FGFRL1: variants seen among roughly 807,000 people sequenced by gnomAD.
FGFRL1 encodes fibroblast growth factor receptor-like 1.
Under a neutral mutation model 36.8 loss-of-function variants are expected in FGFRL1, and 24 were observed. The ratio of observed to expected loss-of-function variants is 0.65; its 90% CI spans 0.47 to 0.92. The LOEUF is 0.92. Ranked by LOEUF, FGFRL1 falls within the 40% of genes least tolerant of loss-of-function variation. The pLI, the probability that FGFRL1 is intolerant of heterozygous loss-of-function variation, is 0.00. For missense variants in FGFRL1, 785 were observed against 753.4 expected (o/e 1.04, Z -0.49); for synonymous variants, 422 against 344.1 (o/e 1.23, Z -2.50).
rs1279636228 is a variant in FGFRL1 at position 1,023,230 on chromosome 4, T to TCCCCCA, written c.353-400_353-395dup. Among the ~76,000 whole-genome samples, 4 of 151,810 alleles carry TCCCCCA rather than the reference T, an allele frequency of 2.6e-5. No individual in the cohort carries two copies. The highest frequency in any genetic ancestry group is 5.9e-5 in the Non-Finnish European group (4 of 67,926). On this transcript the variant is annotated intron_variant, in intron 3 of 6. Coordinates refer to ENST00000510644, the MANE Select transcript of FGFRL1 (RefSeq NM_001004356.3). This position sits in a 1 kb window ranked among gnomAD's most constrained non-coding sequence, Gnocchi z 6.0. Reference sequence around the variant, plus strand: ...TTGTGTGGAATGGGAAAACTGGCTGTCCCCCACCCCCACCCCACAGTCCTT... The same window carrying TCCCCCA: ...TTGTGTGGAATGGGAAAACTGGCTGTCCCCCACCCCCACCCCCACCCCACAGTCCTT...
Position 1,025,743 on chromosome 4 carries a change from AC to A in FGFRL1, c.*397del. ...GTGCTGCCTGGACACACACACACAC[AC>A]GGATATGCTGTCTGGACGCACACAC... On this transcript the variant is annotated 3_prime_UTR_variant, in exon 7 of 7. Transcript: ENST00000510644. 3.4e-6 allele frequency: 1 copy of A among 292,740 alleles called. No homozygotes were observed. The highest frequency in any genetic ancestry group is 4.5e-5 in the South Asian group (1 of 22,466). 18.1% of individuals were successfully genotyped at this position (292,740 alleles called of 1,614,324 possible).
chr4:1,019,891 C>T (rs983742105), intron 2 of FGFRL1, among the ~76,000 whole-genome samples: 1 of 152,228 alleles, frequency 6.6e-6, no homozygotes, highest in Admixed American at 6.5e-5. Context: ...TCCCTCCCTC[C>T]AGAGCCTCAG....
Position 1,012,496 on chromosome 4 carries a change from GC to G in FGFRL1, c.16del (p.Leu6CysfsTer55). The G allele has an allele frequency of 1.3e-6, 2 of 1,571,568 alleles. No individual in the cohort carries two copies. The highest frequency in any genetic ancestry group is 1.7e-6 in the Non-Finnish European group (2 of 1,164,058). On this transcript the variant is annotated frameshift_variant, in exon 2 of 7. Transcript: ENST00000510644. LOFTEE classifies it high-confidence loss of function. Reference protein sequence around the residue: MTPSPLLLLLLPPL... With the variant: MTPXPLLLLLLPPL... ...TCCGGACAGGCCGAGATGACGCCGA[GC>G]CCCCTGTTGCTGCTCCTGCTGCCGC...
intron 2 of FGFRL1, 29 bp from the exon 3 acceptor site, chr4:1,022,174 C>T (rs765148658): frequency 6.5e-5 from 96 of 1,487,976 alleles, no homozygotes; most frequent in East Asian, 2.4e-4. Flanking sequence ...AGCCCCTCCT[C>T]GCTGACTGTT....
chr4:1,012,499 C>G lies in FGFRL1; in HGVS notation c.14C>G (p.Pro5Arg). 1 of 1,571,512 alleles carries G rather than the reference C, an allele frequency of 6.4e-7. No homozygotes were observed. Among genetic ancestry groups the G allele is most frequent in the Middle Eastern group, 1.7e-4 (1 of 5,962 alleles). The change falls in exon 2 of 7, where the codon CCC becomes CGC. Residue 5 changes from proline to arginine, a missense_variant. Physicochemically the swap from Pro to Arg is moderately radical, Grantham distance 103 (BLOSUM62 -2). Transcript: ENST00000510644. MTPS[P>R]LLLLLLPPLL... ...GGACAGGCCGAGATGACGCCGAGCCCCCTGTTGCTGCTCCTGCTGCCGCCG... is the reference window on the plus strand; with the variant it reads ...GGACAGGCCGAGATGACGCCGAGCCGCCTGTTGCTGCTCCTGCTGCCGCCG...
chr4:1,014,257 A>G (rs1219568829), intron 2 of FGFRL1, among the ~76,000 whole-genome samples: 1 of 151,542 alleles, frequency 6.6e-6, no homozygotes, highest in Non-Finnish European at 1.5e-5. Context: ...ATCTTGGTGG[A>G]TTTGTCTTAA....
rs1343789800 is a variant in FGFRL1 at position 1,024,651 on chromosome 4, C to A, written c.1059C>A (p.Leu353=). The change falls in exon 6 of 7, where the codon CTC becomes CTA. Residue 353 remains leucine (L), a synonymous_variant. Coordinates refer to ENST00000510644, the MANE Select transcript of FGFRL1 (RefSeq NM_001004356.3). ...GCTACAGCTTCCGCAGCGCCTTCCT[C>A]ACCGTGCTGCCAGGTGCGCGGCTGC... ...TMGYSFRSAF[L]TVLPDPKPPG... is the part of the protein sequence containing the mutation. The A allele has an allele frequency of 5.0e-6, 8 of 1,602,574 alleles. No individual in the cohort carries two copies. Among genetic ancestry groups the A allele is most frequent in the Non-Finnish European group, 6.8e-6 (8 of 1,173,116 alleles).
chr4:1,017,755 G>C (rs1715968427), intron 2 of FGFRL1, among the ~76,000 whole-genome samples: 1 of 152,196 alleles, frequency 6.6e-6, no homozygotes, highest in African/African-American at 2.4e-5. Flanking sequence ...GCTGAGGGCT[G>C]TGTTCTGGGG....
rs1418473030 is a variant in FGFRL1, at chr4:1,023,467, C to T, written c.353-174C>T. Among the ~76,000 whole-genome samples, 1 of 152,184 alleles carries T rather than the reference C, an allele frequency of 6.6e-6. No individual in the cohort carries two copies. The highest frequency in any genetic ancestry group is 1.5e-5 in the Non-Finnish European group (1 of 68,006). ...CCTGCGCCCAGTGTGGGCCAGCGGC[C>T]CTTGCCCAGCTGTCCCTGGGATTCT... On this transcript the variant is annotated intron_variant, in intron 3 of 6. Transcript: ENST00000510644. This position sits in a 1 kb window ranked among gnomAD's most constrained non-coding sequence, Gnocchi z 6.0.
At position 1,025,148 on chromosome 4, in the gene FGFRL1, G is replaced by C. The variant is rs1255400114; in HGVS notation, c.1316G>C (p.Ser439Thr). The C allele has an allele frequency of 1.1e-5, 18 of 1,610,870 alleles. No individual in the cohort carries two copies. Among genetic ancestry groups the C allele is most frequent in the Non-Finnish European group, 1.7e-6 (2 of 1,179,306 alleles). Residue 439 changes from serine (S) to threonine (T), a missense_variant, in exon 7 of 7, where the codon AGC (serine) becomes ACC (threonine). Physicochemically the swap from Ser to Thr is moderately conservative, Grantham distance 58. Transcript: ENST00000510644. ...GACCTTCCCTCGTTGGCCGCCCTCA[G>C]CGCTGGCCCTGGTGTGGGGCTGTGT... ...DKDLPSLAAL[S>T]AGPGVGLCEE...
chr4:1,024,543 C>A lies in FGFRL1; in HGVS notation c.951C>A (p.Gly317=). ...GTGACGTGTGGTCGCGGCCCGACGG[C>A]TCCTACCTCAATAAGCTGCTCATCA... ...PTGDVWSRPD[G]SYLNKLLITR... is the part of the protein sequence containing the mutation. The change falls in exon 6 of 7, where the codon GGC becomes GGA. Residue 317 remains glycine (G), a synonymous_variant. Transcript: ENST00000510644. 3 of 1,612,478 alleles carry A rather than the reference C, an allele frequency of 1.9e-6. No individual in the cohort carries two copies. Among genetic ancestry groups the A allele is most frequent in the Non-Finnish European group, 2.5e-6 (3 of 1,179,858 alleles).
At chr4:1,021,288 C>T (rs111667722) in intron 2 of FGFRL1, among the ~76,000 whole-genome samples, 9 of 152,130 alleles carry the variant, frequency 5.9e-5, no homozygotes, top group Admixed American at 2.0e-4. Context: ...CTCGGCTTCT[C>T]CACATAGGGT....
At chr4:1,015,827 A>G (rs1715858203) in intron 2 of FGFRL1, among the ~76,000 whole-genome samples, 1 of 152,150 alleles carries the variant, frequency 6.6e-6, no homozygotes. Context: ...TTCCTTGTCC[A>G]GGCCCACCAG....
rs974963132 is a variant in FGFRL1, at chr4:1,020,512, G to C, written c.80-1691G>C. Among the ~76,000 whole-genome samples the C allele has an allele frequency of 2.6e-5, 4 of 151,420 alleles. No homozygotes were observed. In the East Asian group the frequency reaches 7.9e-4, roughly 30 times the overall value. On this transcript the variant is annotated intron_variant, in intron 2 of 6. Transcript: ENST00000510644. Reference sequence around the variant, plus strand: ...GGCCTGCAGGGTCTGTGTGTTCTAGGTTCATCTTCCTGGCCGGCTTGGCAC... The same window carrying C: ...GGCCTGCAGGGTCTGTGTGTTCTAGCTTCATCTTCCTGGCCGGCTTGGCAC...
At position 1,024,085 on chromosome 4, in the gene FGFRL1, C is replaced by T. The variant is rs771584275; in HGVS notation, c.702C>T (p.Tyr234=). The T allele has an allele frequency of 1.9e-6, 3 of 1,591,450 alleles. No homozygotes were observed. Among genetic ancestry groups the T allele is most frequent in the East Asian group, 2.3e-5 (1 of 43,902 alleles). The stretch of plus-strand genomic sequence containing the variant: ...GCGCGGGCGCCATCAACGCCACCTA[C>T]AAGGTGGATGTGATCCGTGAGTGTG... ...SNRAGAINAT[Y]KVDVIQRTRS... Residue 234 remains tyrosine, a synonymous_variant, in exon 5 of 7, where the codon TAC becomes TAT. Coordinates refer to ENST00000510644, the MANE Select transcript of FGFRL1 (RefSeq NM_001004356.3).
At position 1,023,598 on chromosome 4, in the gene FGFRL1, C is replaced by T. The variant is rs1487353907; in HGVS notation, c.353-43C>T. ...GGGGAGTTGGGGGAGCTCCTCAGGG[C>T]CCCCCTCACCTGCCCTCCCTGTGCA... On this transcript the variant is annotated intron_variant, in intron 3 of 6. Coordinates refer to ENST00000510644, the MANE Select transcript of FGFRL1 (RefSeq NM_001004356.3). The surrounding 1 kb of genome is among the most constrained non-coding windows in gnomAD (Gnocchi z 6.0). The T allele has an allele frequency of 1.3e-6, 2 of 1,534,170 alleles. No individual in the cohort carries two copies. Among genetic ancestry groups the T allele is most frequent in the East Asian group, 2.4e-5 (1 of 41,848 alleles).
chr4:1,010,508 C>A (rs1264861361), upstream of FGFRL1, among the ~76,000 whole-genome samples: 7 of 152,366 alleles, frequency 4.6e-5, no homozygotes, highest in East Asian at 1.3e-3. Flanking sequence ...CACCGGCTGC[C>A]AGGCCTCTCC....
chr4:1,012,421 G>C, intron 1 of FGFRL1, 49 bp from the exon 2 acceptor site: 6 of 1,564,906 alleles, frequency 3.8e-6, no homozygotes, highest in Non-Finnish European at 5.2e-6. Flanking sequence ...CGGGGAGGGC[G>C]GTATCTCCCA....
chr4:1,012,397 C>T (rs1560556289), intron 1 of FGFRL1, 73 bp from the exon 2 acceptor site: 3 of 1,543,380 alleles, frequency 1.9e-6, no homozygotes, highest in Non-Finnish European at 2.6e-6. Context: ...CCCCTGATCC[C>T]CGCGGCCCGG....
Sources: allele counts gnomAD v4.1 joint callset (sites outside exome capture counted in the v4.1 genomes callset), GRCh38; gene constraint gnomAD v4.1.1; non-coding constraint Gnocchi (gnomAD v3.1); transcripts MANE v1.5; gene names NCBI Gene and HGNC (gene_info 2026-07-23, HGNC 2026-07-21).